WDFY2: variants seen among roughly 807,000 people sequenced by gnomAD.
WDFY2 encodes the protein WD repeat and FYVE domain-containing protein 2.
WDFY2 carries 36 observed loss-of-function variants against 56.4 expected under a neutral mutation model. The observed-to-expected ratio is 0.64, with a 90% CI of 0.49 to 0.84. The LOEUF is 0.84. Among genes scored for constraint, WDFY2 ranks in the 40% least tolerant of loss-of-function variants. The probability of loss-of-function intolerance (pLI) is 0.00; values close to 1 mark genes in which losing one functional copy is unlikely to be tolerated. For synonymous variants in WDFY2, 176 were observed against 183.7 expected (o/e 0.96, Z 0.34); for missense variants, 444 against 512.2 (o/e 0.87, Z 1.29).
intron 3 of WDFY2, among the ~76,000 whole-genome samples, chr13:51,703,256 G>A (rs117771101): frequency 0.016 from 2,440 of 152,254 alleles, 33 homozygotes; most frequent in Non-Finnish European, 0.024. Context: ...TTACTGGTTA[G>A]AGCCTTGCAA....
chr13:51,693,755 G>A (rs1258782473), intron 3 of WDFY2, among the ~76,000 whole-genome samples: 142 of 151,852 alleles, frequency 9.4e-4, no homozygotes, highest in Admixed American at 1.6e-3. Context: ...TTTCTGTCTC[G>A]TTGATCTGTC....
In WDFY2 at chr13:51,722,723, GA is replaced by G. The variant is rs1393666468; in HGVS notation, c.485+3376del. Among the ~76,000 whole-genome samples, 5 of 152,158 alleles carry G rather than the reference GA, an allele frequency of 3.3e-5. No individual in the cohort carries two copies. The East Asian group carries it at 5.8e-4, about 18-fold the overall frequency. ...GGCAGAACCAGCATTAGAATTGGGG[GA>G]TTGTAATTTTTCAGCCAGCCCTCTG... On this transcript the variant is annotated intron_variant, in intron 5 of 11. Coordinates refer to ENST00000298125, the MANE Select transcript of WDFY2 (RefSeq NM_052950.4).
chr13:51,692,282 G>A (rs1395377934), intron 3 of WDFY2, among the ~76,000 whole-genome samples: 12 of 152,184 alleles, frequency 7.9e-5, no homozygotes, highest in Non-Finnish European at 1.6e-4. Context: ...AGTTTTCAAA[G>A]GGAATCCTTC....
chr13:51,609,966 A>G (rs536813438), intron 1 of WDFY2, among the ~76,000 whole-genome samples: 1 of 152,288 alleles, frequency 6.6e-6, no homozygotes, highest in South Asian at 2.1e-4. Flanking sequence ...TTGGTCAAAG[A>G]TGGAACTGAA....
chr13:51,606,074 C>G (rs1426522364), intron 1 of WDFY2, among the ~76,000 whole-genome samples: 2 of 152,166 alleles, frequency 1.3e-5, no homozygotes, highest in East Asian at 3.8e-4. Flanking sequence ...TATCCCAGCT[C>G]CTCCACTGAC....
chr13:51,679,807 C>G (rs1003375711), intron 3 of WDFY2, among the ~76,000 whole-genome samples: 1 of 152,112 alleles, frequency 6.6e-6, no homozygotes, highest in Non-Finnish European at 1.5e-5. Context: ...TTCCTAGCTT[C>G]TGGTGGTTGC....
chr13:51,714,785 T>C (rs575342083), intron 4 of WDFY2, among the ~76,000 whole-genome samples: 95 of 152,322 alleles, frequency 6.2e-4, no homozygotes, highest in Admixed American at 1.6e-3. Flanking sequence ...TTCTGAGAAA[T>C]GCATTGTTAG....
At chr13:51,755,539 C>T in intron 9 of WDFY2, 80 bp downstream of exon 9, 4 of 1,397,898 alleles carry the variant, frequency 2.9e-6, no homozygotes, top group Non-Finnish European at 4.0e-6. Flanking sequence ...AATAACACCC[C>T]TGGGTGGGAG....
chr13:51,709,922 C>G (rs534996499), intron 4 of WDFY2, among the ~76,000 whole-genome samples: 1 of 152,274 alleles, frequency 6.6e-6, no homozygotes, highest in African/African-American at 2.4e-5. Flanking sequence ...GGAATCCTCC[C>G]CAATTCATTT....
chr13:51,690,956 G>A (rs1282172748), intron 3 of WDFY2, among the ~76,000 whole-genome samples: 1 of 152,166 alleles, frequency 6.6e-6, no homozygotes, highest in Non-Finnish European at 1.5e-5. Context: ...GTGATGGTGA[G>A]CATTTTTTCA....
intron 1 of WDFY2, among the ~76,000 whole-genome samples, chr13:51,625,636 G>A (rs1314219629): frequency 1.3e-5 from 2 of 152,220 alleles, no homozygotes; most frequent in Admixed American, 1.3e-4. Context: ...TCAGAAATTC[G>A]ATACAAAGGT....
intron 1 of WDFY2, among the ~76,000 whole-genome samples, chr13:51,609,096 T>C (rs1954439689): frequency 6.6e-6 from 1 of 152,184 alleles, no homozygotes; most frequent in South Asian, 2.1e-4. Flanking sequence ...ACTCTTTGCC[T>C]ATATGTTATT....
At chr13:51,714,126 A>G (rs1952290228) in intron 4 of WDFY2, among the ~76,000 whole-genome samples, 1 of 151,976 alleles carries the variant, frequency 6.6e-6, no homozygotes, top group South Asian at 2.1e-4. Context: ...ATTTTAATAC[A>G]GTAAAAAATT....
At chr13:51,654,344 T>C (rs1297020944) in intron 1 of WDFY2, among the ~76,000 whole-genome samples, 3 of 152,202 alleles carry the variant, frequency 2.0e-5, no homozygotes, top group East Asian at 1.9e-4. Context: ...TGACCCCTTG[T>C]GCTTCCCGGG....
intron 6 of WDFY2, among the ~76,000 whole-genome samples, chr13:51,735,866 C>CT (rs1952823286): frequency 6.6e-6 from 1 of 152,190 alleles, no homozygotes; most frequent in Non-Finnish European, 1.5e-5. Context: ...CCTTCTATCT[C>CT]TTCCACTTTG....
At chr13:51,684,587 C>T (rs544573674) in intron 3 of WDFY2, among the ~76,000 whole-genome samples, 7 of 152,202 alleles carry the variant, frequency 4.6e-5, no homozygotes, top group Admixed American at 2.0e-4. Flanking sequence ...TGAGACTGCA[C>T]TCCAGTTTAG....
intron 1 of WDFY2, among the ~76,000 whole-genome samples, chr13:51,617,111 AT>A (rs1954634005): frequency 2.0e-5 from 3 of 152,176 alleles, no homozygotes; most frequent in African/African-American, 7.2e-5. Context: ...TATAAAGGAA[AT>A]TTCTGTGGAA....
At chr13:51,723,128 A>G (rs1045044416) in intron 5 of WDFY2, among the ~76,000 whole-genome samples, 20 of 152,216 alleles carry the variant, frequency 1.3e-4, no homozygotes, top group African/African-American at 4.1e-4. Flanking sequence ...AGTCATTCAC[A>G]TCCACTGTTG....
At chr13:51,701,635 A>G (rs1203826210) in intron 3 of WDFY2, among the ~76,000 whole-genome samples, 1 of 152,130 alleles carries the variant, frequency 6.6e-6, no homozygotes, top group Non-Finnish European at 1.5e-5. Flanking sequence ...AGGTTTACCA[A>G]TGCAGTGAAC....
Sources: gnomAD v4.1 joint callset for allele counts (sites outside exome capture counted in the v4.1 genomes callset) on GRCh38, gnomAD v4.1.1 for gene constraint, MANE v1.5 for transcripts, NCBI Gene and HGNC (gene_info 2026-07-23, HGNC 2026-07-21) for gene names.